The following KIAA0319 variants were observed in gnomAD, a reference collection of about 807,000 sequenced individuals.
The protein encoded by KIAA0319 is KIAA0319, also known as dyslexia-associated protein KIAA0319.
A neutral mutation model predicts 108.4 loss-of-function variants in KIAA0319; 83 were observed. The observed-to-expected ratio is 0.77, with a 90% CI of 0.64 to 0.92. The LOEUF (loss-of-function observed/expected upper bound fraction) is 0.92. Among genes scored for constraint, KIAA0319 ranks in the 40% least tolerant of loss-of-function variants. The probability of loss-of-function intolerance (pLI) is 0.00; values close to 1 mark genes in which losing one functional copy is unlikely to be tolerated. For synonymous variants in KIAA0319, 484 were observed against 510.4 expected (o/e 0.95, Z 0.70); for missense variants, 1,195 against 1,322.4 (o/e 0.90, Z 1.49).
intron 2 of KIAA0319, among the ~76,000 whole-genome samples, chr6:24,600,316 G>A (rs148975757): frequency 6.6e-6 from 1 of 152,116 alleles, no homozygotes; most frequent in Admixed American, 6.5e-5. Context: ...GATGGATGGA[G>A]GGGAGTAAGT....
intron 1 of KIAA0319, among the ~76,000 whole-genome samples, chr6:24,603,232 AC>A (rs1356206865): frequency 6.6e-6 from 1 of 152,216 alleles, no homozygotes; most frequent in African/African-American, 2.4e-5. Context: ...CTTCACCACA[AC>A]CCAGACATAT....
Position 24,569,950 on chromosome 6 carries a change from G to T in KIAA0319, c.1944C>A (p.Ser648Arg), listed in dbSNP as rs755928172. 6 of 1,614,160 alleles carry T rather than the reference G, an allele frequency of 3.7e-6. No homozygotes were observed. Among genetic ancestry groups the T allele is most frequent in the Non-Finnish European group, 5.1e-6 (6 of 1,179,990 alleles). Residue 648 changes from serine to arginine, a missense_variant, in exon 12 of 21, where the codon AGC becomes AGA. Coordinates refer to ENST00000378214, the MANE Select transcript of KIAA0319 (RefSeq NM_014809.4). ...AGACAATGCCGTGGTCATCGCTGCT[G>T]CTGCTCCCATCCAGGGTAGCACTTT... ...PVESATLDGSSSSDDHGIVFY... is the reference protein window; with the variant it reads ...PVESATLDGSRSSDDHGIVFY...
At position 24,593,967 on chromosome 6, in the gene KIAA0319, G is replaced by A. The variant is rs551224222; in HGVS notation, c.801+1906C>T. ...TGTAATCCCAGCACTTTGGGAGGCC[G>A]AGGCAGGTGGATCATGAGGTCAGGA... On this transcript the variant is annotated intron_variant, in intron 3 of 20. Transcript: ENST00000378214. Among the ~76,000 whole-genome samples, 31 of 151,096 alleles carry A rather than the reference G, an allele frequency of 2.1e-4. No homozygotes were observed. In the South Asian group the frequency reaches 3.8e-3, roughly 18 times the overall value.
rs1360126635 is a variant in KIAA0319 at position 24,572,667 on chromosome 6, G to A, written c.1766C>T (p.Ala589Val). The A allele has an allele frequency of 1.2e-6, 2 of 1,613,318 alleles. No individual in the cohort carries two copies. Among genetic ancestry groups the A allele is most frequent in the Non-Finnish European group, 1.7e-6 (2 of 1,179,446 alleles). ...GVQTPYLHLS[A>V]MQEGDYTFQL... The stretch of plus-strand genomic sequence containing the variant: ...AAATGTATAATCTCCTTCCTGCATT[G>A]CAGATAAATGAAGGTATGGCGTCTG... Residue 589 changes from alanine (A) to valine (V), a missense_variant, in exon 11 of 21, where the codon GCA becomes GTA. Transcript: ENST00000378214.
chr6:24,640,535 C>T lies in KIAA0319; in HGVS notation c.-106+5201G>A, dbSNP rs370962390. ...TAGACCAAGAAGAAATGTTAAAGAACTATATAGGTGACATTAAGAGATCTG... is the reference window on the plus strand; with the variant it reads ...TAGACCAAGAAGAAATGTTAAAGAATTATATAGGTGACATTAAGAGATCTG... On this transcript the variant is annotated intron_variant, in intron 1 of 20. Coordinates refer to ENST00000378214, the MANE Select transcript of KIAA0319 (RefSeq NM_014809.4). 2.0e-5 allele frequency among the ~76,000 whole-genome samples: 3 copies of T among 152,118 alleles called. No homozygotes were observed. The East Asian group carries it at 5.8e-4, about 29-fold the overall frequency.
In KIAA0319 at chr6:24,544,835, G is replaced by C. The variant is rs958795493; in HGVS notation, c.*2330C>G. On this transcript the variant is annotated 3_prime_UTR_variant, in exon 21 of 21. Transcript: ENST00000378214. ...TCGTGCTTTGTTCTGATGAGAAATGGGGTGACAAGACAGGACTCACTTTCT... is the reference window on the plus strand; with the variant it reads ...TCGTGCTTTGTTCTGATGAGAAATGCGGTGACAAGACAGGACTCACTTTCT... The C allele has an allele frequency of 1.3e-5, 2 of 152,158 alleles. No individual in the cohort carries two copies. Among genetic ancestry groups the C allele is most frequent in the Non-Finnish European group, 2.9e-5 (2 of 68,038 alleles). 9.4% of individuals were successfully genotyped at this position (152,158 alleles called of 1,614,324 possible).
chr6:24,644,611 A>G (rs913419570), intron 1 of KIAA0319, among the ~76,000 whole-genome samples: 1 of 14,046 alleles, frequency 7.1e-5, no homozygotes, highest in Admixed American at 1.1e-3. Context: ...TTGGCTAGGG[A>G]AAAAAAAAAA....
intron 2 of KIAA0319, 107 bp downstream of exon 2, chr6:24,600,942 T>C (rs1465880690): frequency 2.8e-6 from 4 of 1,436,282 alleles, no homozygotes; most frequent in South Asian, 1.2e-5. Context: ...AATAATTCTA[T>C]TGAAAAGCAA....
intron 14 of KIAA0319, among the ~76,000 whole-genome samples, chr6:24,565,371 A>G (rs1375706767): frequency 7.1e-6 from 1 of 141,182 alleles, no homozygotes; most frequent in Non-Finnish European, 1.5e-5. Flanking sequence ...AGACGTACAT[A>G]CATTTATGTC....
intron 1 of KIAA0319, among the ~76,000 whole-genome samples, chr6:24,617,084 T>C (rs1341735823): frequency 1.3e-5 from 2 of 152,120 alleles, no homozygotes; most frequent in African/African-American, 4.8e-5. Flanking sequence ...CATTTAAAAG[T>C]TGATATTTAA....
intron 1 of KIAA0319, among the ~76,000 whole-genome samples, chr6:24,609,914 C>T (rs1772051372): frequency 6.6e-6 from 1 of 152,122 alleles, no homozygotes; most frequent in African/African-American, 2.4e-5. Flanking sequence ...ACCCCTACCA[C>T]ACAACATATA....
chr6:24,567,277 G>C (rs1461611406), intron 13 of KIAA0319, among the ~76,000 whole-genome samples: 1 of 152,120 alleles, frequency 6.6e-6, no homozygotes, highest in African/African-American at 2.4e-5. Context: ...CAAAGCAGGA[G>C]AATCACTTGA....
chr6:24,611,889 T>C (rs184662121), intron 1 of KIAA0319, among the ~76,000 whole-genome samples: 4 of 149,758 alleles, frequency 2.7e-5, no homozygotes, highest in Admixed American at 2.0e-4. Context: ...ACCTATCCCT[T>C]AAAAAAAAAT....
At chr6:24,576,816 T>C (rs572308696) in intron 9 of KIAA0319, among the ~76,000 whole-genome samples, 7 of 151,282 alleles carry the variant, frequency 4.6e-5, no homozygotes, top group African/African-American at 9.7e-5. Context: ...TTCTAGCTAC[T>C]TGGGAGGCTG....
intron 10 of KIAA0319, among the ~76,000 whole-genome samples, chr6:24,574,854 G>T (rs1490894976): frequency 1.3e-5 from 2 of 152,176 alleles, no homozygotes; most frequent in African/African-American, 4.8e-5. Context: ...ACGTTTCTCT[G>T]AAAAGTTCAA....
intron 4 of KIAA0319, among the ~76,000 whole-genome samples, chr6:24,588,235 T>C (rs1767865561): frequency 6.6e-6 from 1 of 152,208 alleles, no homozygotes; most frequent in Non-Finnish European, 1.5e-5. Flanking sequence ...AACAGACCAA[T>C]GCCATTTTTG....
rs187230820 is a variant in KIAA0319 at position 24,619,271 on chromosome 6, G to A, written c.-105-18063C>T. Reference sequence around the variant, plus strand: ...TATAGCAATCAAAGGCAGAAATGGAGAGACAAGTTAGCAGCTTCGGCAATA... The same window carrying A: ...TATAGCAATCAAAGGCAGAAATGGAAAGACAAGTTAGCAGCTTCGGCAATA... On this transcript the variant is annotated intron_variant, in intron 1 of 20. Transcript: ENST00000378214. Among the ~76,000 whole-genome samples, 391 of 152,332 alleles carry A rather than the reference G, an allele frequency of 2.6e-3. 3 individuals carry two copies. Among genetic ancestry groups the A allele is most frequent in the Non-Finnish European group, 4.6e-3 (313 of 68,028 alleles).
intron 20 of KIAA0319, among the ~76,000 whole-genome samples, chr6:24,551,029 A>G (rs1048783489): frequency 6.6e-6 from 1 of 152,120 alleles, no homozygotes; most frequent in Non-Finnish European, 1.5e-5. Context: ...CCCAAGCTGT[A>G]GTGCAGAGGT....
chr6:24,554,605 A>G lies in KIAA0319; in HGVS notation c.2884T>C (p.Leu962=). ...CEWSIFYVTV[L]AFTLIVLTGG... ...GTTAGCACAATAAGAGTAAAAGCCAACACTGTCACATAGAATATACTCCAC... is the reference window on the plus strand; with the variant it reads ...GTTAGCACAATAAGAGTAAAAGCCAGCACTGTCACATAGAATATACTCCAC... Residue 962 remains leucine, a synonymous_variant, in exon 19 of 21, where the codon TTG becomes CTG. Coordinates refer to ENST00000378214, the MANE Select transcript of KIAA0319 (RefSeq NM_014809.4). 6.2e-7 allele frequency: 1 copy of G among 1,613,918 alleles called. No homozygotes were observed. The highest frequency in any genetic ancestry group is 1.1e-5 in the South Asian group (1 of 91,074).
Sources: allele counts gnomAD v4.1 joint callset (sites outside exome capture counted in the v4.1 genomes callset), GRCh38; gene constraint gnomAD v4.1.1; transcripts MANE v1.5; gene names NCBI Gene and HGNC (gene_info 2026-07-23, HGNC 2026-07-21).